Variants in RASAL2 observed in about 807,000 individuals in gnomAD.
The protein encoded by RASAL2 is RAS protein activator like 2, also known as ras GTPase-activating protein nGAP.
In RASAL2, 58 loss-of-function variants were observed where a neutral mutation model predicts 128.9. The observed-to-expected ratio is 0.45, with a 90% confidence interval of 0.36 to 0.56. The LOEUF (loss-of-function observed/expected upper bound fraction) is 0.56. RASAL2 is among the 20% of genes least tolerant of loss of function. RASAL2 has a pLI of 0.00. For missense variants in RASAL2, 1,360 were observed against 1,601.6 expected (o/e 0.85, Z 2.57); for synonymous variants, 561 against 580.8 (o/e 0.97, Z 0.49).
intron 1 of RASAL2, among the ~76,000 whole-genome samples, chr1:178,253,160 T>G (rs1558143831): frequency 6.6e-6 from 1 of 152,200 alleles, no homozygotes; most frequent in Admixed American, 6.5e-5. Context: ...CTTTGGTGTT[T>G]CTTGGCATTC....
chr1:178,241,817 T>A (rs1664510833), intron 1 of RASAL2, among the ~76,000 whole-genome samples: 3 of 152,194 alleles, frequency 2.0e-5, no homozygotes, highest in Admixed American at 2.0e-4. Flanking sequence ...CACAAATACG[T>A]ACATATATGC....
At chr1:178,128,915 GTTTA>G (rs1225996857) in intron 1 of RASAL2, among the ~76,000 whole-genome samples, 3 of 151,860 alleles carry the variant, frequency 2.0e-5, no homozygotes, top group South Asian at 2.1e-4. Context: ...ACCATACTTT[GTTTA>G]TTCATTCATT....
intron 3 of RASAL2, among the ~76,000 whole-genome samples, chr1:178,309,060 C>A (rs896052007): frequency 1.4e-4 from 21 of 151,974 alleles, no homozygotes; most frequent in Admixed American, 1.2e-3. Flanking sequence ...TGGTAGTACT[C>A]AATATTTAGA....
rs182429644 is a variant in RASAL2 at position 178,288,707 on chromosome 1, A to G, written c.330+5016A>G. On this transcript the variant is annotated intron_variant, in intron 2 of 17. Transcript: ENST00000367649. ...ACTCTGTCACCCAGGCTGGAGTGCA[A>G]TGGTGCAATCTCAGCTCACTGCAAT... Among the ~76,000 whole-genome samples, 11 of 129,428 alleles carry G rather than the reference A, an allele frequency of 8.5e-5. No homozygotes were observed. In the East Asian group the frequency reaches 1.3e-3, roughly 16 times the overall value. 84.9% of individuals were successfully genotyped at this position (129,428 alleles called of 152,430 possible). A position where few individuals can be genotyped will look rare whatever the true frequency, so the allele number is the denominator to read the frequency against.
chr1:178,097,704 AAAC>A (rs1658743080), intron 1 of RASAL2, among the ~76,000 whole-genome samples: 1 of 152,214 alleles, frequency 6.6e-6, no homozygotes, highest in African/African-American at 2.4e-5. Flanking sequence ...TGATGGGAAC[AAAC>A]AACAACAGAA....
At chr1:178,281,265 C>T (rs1339340525) in intron 1 of RASAL2, among the ~76,000 whole-genome samples, 1 of 151,806 alleles carries the variant, frequency 6.6e-6, no homozygotes, top group Admixed American at 6.6e-5. Context: ...AAGCATTGCT[C>T]TCTATTTCAT....
chr1:178,430,715 C>A (rs1050952465), intron 5 of RASAL2, among the ~76,000 whole-genome samples: 1 of 151,962 alleles, frequency 6.6e-6, no homozygotes, highest in Non-Finnish European at 1.5e-5. Context: ...AATGAGATAA[C>A]TGAGGTTCAG....
At chr1:178,201,510 T>C (rs1476888572) in intron 1 of RASAL2, among the ~76,000 whole-genome samples, 1 of 152,212 alleles carries the variant, frequency 6.6e-6, no homozygotes, top group Non-Finnish European at 1.5e-5. Flanking sequence ...AAGAGCTCCA[T>C]AGGGATTGCT....
chr1:178,448,684 T>A (rs1237713063), intron 9 of RASAL2, among the ~76,000 whole-genome samples: 1 of 152,060 alleles, frequency 6.6e-6, no homozygotes, highest in African/African-American at 2.4e-5. Context: ...TCTCAAACCG[T>A]ATTCTCCATT....
At chr1:178,134,913 C>T (rs749874457) in intron 1 of RASAL2, among the ~76,000 whole-genome samples, 4 of 152,254 alleles carry the variant, frequency 2.6e-5, no homozygotes, top group Admixed American at 1.3e-4. Context: ...GCATTTTGCT[C>T]GTTGACTTTT....
chr1:178,114,405 T>C (rs1408377490), intron 1 of RASAL2, among the ~76,000 whole-genome samples: 3 of 152,178 alleles, frequency 2.0e-5, no homozygotes, highest in South Asian at 4.1e-4. Context: ...CTTTTTTAAA[T>C]TTTAAATTAG....
chr1:178,188,519 T>C (rs1662387008), intron 1 of RASAL2, among the ~76,000 whole-genome samples: 1 of 152,168 alleles, frequency 6.6e-6, no homozygotes, highest in Non-Finnish European at 1.5e-5. Context: ...ATCGGTCACT[T>C]GGTCATAATA....
chr1:178,378,679 A>G lies in RASAL2; in HGVS notation c.458-11421A>G, dbSNP rs141808377. On this transcript the variant is annotated intron_variant, in intron 3 of 17. Transcript: ENST00000367649. The stretch of plus-strand genomic sequence containing the variant: ...TGCAGTCTTTTAAAGTTACTTGCAA[A>G]TAACTTGTTAGTCAAAAAGGAAAAC... Among the ~76,000 whole-genome samples, 17 of 152,284 alleles carry G rather than the reference A, an allele frequency of 1.1e-4. No individual in the cohort carries two copies. In the East Asian group the frequency reaches 3.1e-3, roughly 28 times the overall value.
At chr1:178,404,814 C>T (rs1035879061) in intron 4 of RASAL2, among the ~76,000 whole-genome samples, 1 of 150,020 alleles carries the variant, frequency 6.7e-6, no homozygotes, top group Non-Finnish European at 1.5e-5. Flanking sequence ...CCTGAGTAGC[C>T]GGGTCTGCAG....
intron 3 of RASAL2, among the ~76,000 whole-genome samples, chr1:178,385,869 A>G (rs1232066471): frequency 6.6e-6 from 1 of 152,196 alleles, no homozygotes; most frequent in Non-Finnish European, 1.5e-5. Context: ...TAAACCTGCA[A>G]GGCTGACTTC....
chr1:178,278,280 G>C (rs1666621144), intron 1 of RASAL2, among the ~76,000 whole-genome samples: 1 of 152,168 alleles, frequency 6.6e-6, no homozygotes, highest in Non-Finnish European at 1.5e-5. Flanking sequence ...TGTGTTAGGG[G>C]ATGGAATTTT....
rs191644361 is a variant in RASAL2, at chr1:178,234,174, G to T, written c.203-49390G>T. Among the ~76,000 whole-genome samples the T allele has an allele frequency of 2.0e-5, 3 of 152,276 alleles. No homozygotes were observed. In the East Asian group the frequency reaches 5.8e-4, roughly 29 times the overall value. ...AAAAAATTATTTTTAATGCTCATTT[G>T]TCTCCACTGATCTACTTTTCCAGGT... On this transcript the variant is annotated intron_variant, in intron 1 of 17. Transcript: ENST00000367649.
intron 4 of RASAL2, among the ~76,000 whole-genome samples, 191 bp from the exon 5 acceptor site, chr1:178,420,320 A>G (rs940688037): frequency 1.3e-5 from 2 of 152,252 alleles, no homozygotes; most frequent in African/African-American, 4.8e-5. Flanking sequence ...CAATTCTCAC[A>G]GAAGAAAATT....
At chr1:178,115,662 T>C (rs6693363) in intron 1 of RASAL2, among the ~76,000 whole-genome samples, 3,014 of 152,230 alleles carry the variant, frequency 0.02, 87 homozygotes, top group African/African-American at 0.065. Context: ...ATGCCAAAGA[T>C]TTGAGTCTGG....
Sources: gnomAD v4.1 joint callset for allele counts (sites outside exome capture counted in the v4.1 genomes callset) on GRCh38, gnomAD v4.1.1 for gene constraint, MANE v1.5 for transcripts, NCBI Gene and HGNC (gene_info 2026-07-23, HGNC 2026-07-21) for gene names.